The following FARP1 variants were observed in gnomAD, a reference collection of about 807,000 sequenced individuals.
FARP1 encodes the protein FERM, ARH/RhoGEF and pleckstrin domain protein 1, also known as FERM, ARHGEF and pleckstrin domain-containing protein 1.
In FARP1, 52 loss-of-function variants were observed where a neutral mutation model predicts 128.8. That is an observed-to-expected ratio of 0.40 (90% CI 0.32 to 0.51). The LOEUF is 0.51. FARP1 is among the 20% of genes least tolerant of loss of function. The pLI is 0.45. For missense variants in FARP1, 1,333 were observed against 1,367.9 expected, an observed-to-expected ratio of 0.97 and a Z score of 0.40; for synonymous variants, 580 against 551.8, an observed-to-expected ratio of 1.05 and a Z score of -0.72.
intron 1 of FARP1, among the ~76,000 whole-genome samples, chr13:98,151,567 C>T (rs1359583007): frequency 1.3e-5 from 2 of 149,446 alleles, no homozygotes; most frequent in East Asian, 4.1e-4. Context: ...CTCTCTATGA[C>T]ATTTTAGAGT....
chr13:98,385,813 A>C lies in FARP1; in HGVS notation c.758A>C (p.Gln253Pro), dbSNP rs1890072809. ...GCCAACACGGGAATTCTAGTGTTTC[A>C]GGTGAGAGCCTTGAGAACACGGCCT... ...AVANTGILVF[Q>P]GFTKINAFNW... is the part of the protein sequence containing the mutation. The change falls in exon 8 of 27, where the codon CAG becomes CCG. Residue 253 changes from glutamine (Q) to proline (P), a missense_variant and splice_region_variant. This residue lies in a region of FARP1 where 324 missense variants were observed against 398.1 expected (regional missense o/e 0.81). Coordinates refer to ENST00000319562, the MANE Select transcript of FARP1 (RefSeq NM_005766.4). 1 of 1,613,816 alleles carries C rather than the reference A, an allele frequency of 6.2e-7. No homozygotes were observed. Among genetic ancestry groups the C allele is most frequent in the Non-Finnish European group, 8.5e-7 (1 of 1,179,994 alleles).
At chr13:98,180,946 T>G (rs560007919) in intron 1 of FARP1, among the ~76,000 whole-genome samples, 42 of 152,364 alleles carry the variant, frequency 2.8e-4, no homozygotes, top group African/African-American at 9.6e-4. Flanking sequence ...AATACTCTGT[T>G]GTTAGATTAT....
chr13:98,257,801 A>G (rs1883681725), intron 2 of FARP1, among the ~76,000 whole-genome samples: 1 of 152,170 alleles, frequency 6.6e-6, no homozygotes, highest in Non-Finnish European at 1.5e-5. Flanking sequence ...TAGGACCCTC[A>G]TTGATGTGTG....
chr13:98,277,055 A>G (rs74108737), intron 2 of FARP1, among the ~76,000 whole-genome samples: 3,505 of 151,530 alleles, frequency 0.023, 144 homozygotes, highest in African/African-American at 0.08. Context: ...TGTTAGATCA[A>G]ATCAGAATAT....
chr13:98,352,433 G>A (rs1888475320), intron 3 of FARP1, among the ~76,000 whole-genome samples: 1 of 152,170 alleles, frequency 6.6e-6, no homozygotes, highest in South Asian at 2.1e-4. Context: ...ACTACTGAGA[G>A]GGGAGCCCAT....
intron 2 of FARP1, among the ~76,000 whole-genome samples, chr13:98,307,023 T>C (rs902092031): frequency 1.3e-5 from 2 of 152,278 alleles, no homozygotes; most frequent in Non-Finnish European, 2.9e-5. Context: ...GCTGAGAAGC[T>C]CAACAGCTAA....
intron 3 of FARP1, 140 bp from the exon 4 acceptor site, chr13:98,365,255 G>C: frequency 1.6e-6 from 1 of 613,830 alleles, no homozygotes. Context: ...GTAAGATACG[G>C]CATTCTGGAG....
intron 13 of FARP1, chr13:98,401,173 G>A (rs1425416115): frequency 2.0e-5 from 3 of 152,130 alleles, no homozygotes; most frequent in African/African-American, 4.8e-5. Flanking sequence ...TTCTGTGAGC[G>A]GCATAAAGAC....
At chr13:98,352,894 T>C (rs1343822701) in intron 3 of FARP1, among the ~76,000 whole-genome samples, 2 of 152,114 alleles carry the variant, frequency 1.3e-5, no homozygotes, top group African/African-American at 2.4e-5. Context: ...GATTAAACAA[T>C]ATAAACTCCT....
chr13:98,368,925 A>T (rs1223465087), intron 5 of FARP1, among the ~76,000 whole-genome samples: 1 of 139,706 alleles, frequency 7.2e-6, no homozygotes, highest in Non-Finnish European at 1.6e-5. Flanking sequence ...CATTTTATAT[A>T]TACCTTTTTT....
intron 2 of FARP1, among the ~76,000 whole-genome samples, chr13:98,319,694 C>G (rs188817305): frequency 6.6e-6 from 1 of 152,350 alleles, no homozygotes; most frequent in African/African-American, 2.4e-5. Context: ...TATAAACCCA[C>G]AGTAGAGCAT....
At chr13:98,286,943 C>T (rs183199855) in intron 2 of FARP1, among the ~76,000 whole-genome samples, 14 of 152,238 alleles carry the variant, frequency 9.2e-5, no homozygotes, top group African/African-American at 3.4e-4. Context: ...CATTTTGTTA[C>T]CTGAGCCAAT....
intron 1 of FARP1, among the ~76,000 whole-genome samples, chr13:98,195,004 C>CT (rs1187289363): frequency 1.3e-5 from 2 of 152,214 alleles, no homozygotes; most frequent in East Asian, 3.9e-4. Flanking sequence ...AAGCTTTCTT[C>CT]TTCAGGTACC....
chr13:98,231,227 C>T (rs1195071697), intron 2 of FARP1, among the ~76,000 whole-genome samples: 1 of 151,996 alleles, frequency 6.6e-6, no homozygotes, highest in Non-Finnish European at 1.5e-5. Flanking sequence ...GATACTGCTT[C>T]GGCCAAGCTG....
intron 19 of FARP1, chr13:98,437,937 C>A (rs1379217133): frequency 3.6e-5 from 41 of 1,136,896 alleles, no homozygotes; most frequent in Non-Finnish European, 5.2e-5. Context: ...CGCCACACAT[C>A]CACTCATTGT....
chr13:98,370,945 A>G (rs374858500), intron 5 of FARP1, among the ~76,000 whole-genome samples: 2 of 152,208 alleles, frequency 1.3e-5, no homozygotes, highest in Admixed American at 1.3e-4. Flanking sequence ...GGGTCTGCAC[A>G]GGACTGAGGG....
intron 2 of FARP1, among the ~76,000 whole-genome samples, chr13:98,322,422 C>T (rs981993725): frequency 2.6e-5 from 4 of 152,222 alleles, no homozygotes; most frequent in African/African-American, 9.6e-5. Context: ...ATGCCACTTC[C>T]AGGGTGAACA....
intron 1 of FARP1, among the ~76,000 whole-genome samples, chr13:98,174,007 A>T (rs932227360): frequency 6.6e-6 from 1 of 152,000 alleles, no homozygotes; most frequent in African/African-American, 2.4e-5. Flanking sequence ...GAATGTGTGC[A>T]CTCCCTGCAG....
At chr13:98,242,228 C>G (rs867608812) in intron 2 of FARP1, among the ~76,000 whole-genome samples, 1 of 152,170 alleles carries the variant, frequency 6.6e-6, no homozygotes, top group African/African-American at 2.4e-5. Flanking sequence ...TCGTAGCGTA[C>G]TCCCCCTCCC....
Sources: allele counts gnomAD v4.1 joint callset (sites outside exome capture counted in the v4.1 genomes callset), GRCh38; gene constraint gnomAD v4.1.1; regional missense constraint gnomAD v4.1.1; transcripts MANE v1.5; gene names NCBI Gene and HGNC (gene_info 2026-07-23, HGNC 2026-07-21).